Variants in APBB2 observed in about 807,000 individuals in gnomAD.
The protein encoded by APBB2 is Fe65-like 1.
APBB2 carries 38 observed loss-of-function variants against 82.5 expected under a neutral mutation model. That is an observed-to-expected ratio of 0.46 (90% CI 0.36 to 0.60). The LOEUF (loss-of-function observed/expected upper bound fraction) is 0.60. Among genes scored for constraint, APBB2 ranks in the 20% least tolerant of loss-of-function variants. The probability of loss-of-function intolerance (pLI) is 0.00; values close to 1 mark genes in which losing one functional copy is unlikely to be tolerated. For missense variants in APBB2, 772 were observed against 972.3 expected (o/e 0.79, Z 2.74); for synonymous variants, 341 against 368.2 (o/e 0.93, Z 0.85).
chr4:40,898,949 T>G (rs1774498123), intron 10 of APBB2, among the ~76,000 whole-genome samples: 1 of 152,120 alleles, frequency 6.6e-6, no homozygotes, highest in Non-Finnish European at 1.5e-5. Context: ...AATCTATATC[T>G]CTAACAAGCT....
Position 40,868,672 on chromosome 4 carries a change from A to C in APBB2, c.1529+21692T>G, listed in dbSNP as rs183291134. ...GACTCCTGATACAGTCAGAAGACTA[A>C]ATCAGTAATTCCAAACTCTGAATCA... On this transcript the variant is annotated intron_variant, in intron 12 of 17. Coordinates refer to ENST00000508593, the MANE Select transcript of APBB2 (RefSeq NM_004307.2). 7.9e-4 allele frequency among the ~76,000 whole-genome samples: 121 copies of C among 152,352 alleles called. 2 individuals carry two copies. The highest frequency in any genetic ancestry group is 3.2e-4 in the Non-Finnish European group (22 of 68,030).
At chr4:40,849,724 A>AT (rs1758703366) in intron 12 of APBB2, among the ~76,000 whole-genome samples, 2 of 122,754 alleles carry the variant, frequency 1.6e-5, no homozygotes, top group African/African-American at 6.2e-5. Flanking sequence ...TACTAAAGTT[A>AT]CTTTTTTTTT....
chr4:40,881,091 CCA>C (rs1194131551), intron 12 of APBB2: 1 of 985,268 alleles, frequency 1.0e-6, no homozygotes, highest in African/African-American at 1.7e-5. Flanking sequence ...GGCAGAGAAG[CCA>C]CTTTTAAAGA....
chr4:41,178,771 C>T (rs1770530582), intron 1 of APBB2, among the ~76,000 whole-genome samples: 1 of 152,194 alleles, frequency 6.6e-6, no homozygotes, highest in Admixed American at 6.5e-5. Context: ...TCACCCAAGA[C>T]CACATTCTTA....
chr4:41,201,381 C>A (rs187161651), intron 1 of APBB2, among the ~76,000 whole-genome samples: 1 of 152,270 alleles, frequency 6.6e-6, no homozygotes, highest in Admixed American at 6.5e-5. Flanking sequence ...GCATTTTAAA[C>A]CTACAAAAGG....
chr4:41,085,046 C>T (rs55922908), intron 3 of APBB2, among the ~76,000 whole-genome samples: 24,998 of 151,970 alleles, frequency 0.16, 2,625 homozygotes, highest in Middle Eastern at 0.23. Flanking sequence ...GTCAGGAGAT[C>T]GAGACCATTC....
chr4:41,034,614 G>A (rs933787128), intron 4 of APBB2, among the ~76,000 whole-genome samples: 4 of 152,150 alleles, frequency 2.6e-5, no homozygotes, highest in Non-Finnish European at 5.9e-5. Context: ...TGTGAGTCAC[G>A]ACACCTGGCC....
At chr4:41,141,330 GTCTGTGTGTGTGTGTGTC>G (rs1447184341) in intron 2 of APBB2, among the ~76,000 whole-genome samples, 7 of 100,754 alleles carry the variant, frequency 6.9e-5, no homozygotes, top group Non-Finnish European at 2.4e-5. Flanking sequence ...GTGTGTGTGT[GTCTGTGTGTGTGTGTGTC>G]TGTGTGTCTG....
chr4:40,986,474 G>A (rs1240939279), intron 6 of APBB2, among the ~76,000 whole-genome samples: 1 of 152,218 alleles, frequency 6.6e-6, no homozygotes, highest in African/African-American at 2.4e-5. Context: ...TTTTGTGTGG[G>A]AGAGTACACA....
intron 1 of APBB2, among the ~76,000 whole-genome samples, chr4:41,173,262 A>T (rs532051328): frequency 6.6e-6 from 1 of 152,352 alleles, no homozygotes; most frequent in East Asian, 1.9e-4. Flanking sequence ...ATTTAAAATC[A>T]TAAGTTAGTT....
At chr4:41,029,465 CAG>C (rs1323242344) in intron 5 of APBB2, among the ~76,000 whole-genome samples, 1 of 152,178 alleles carries the variant, frequency 6.6e-6, no homozygotes, top group Non-Finnish European at 1.5e-5. Flanking sequence ...ACTGCTGATG[CAG>C]AGTGTCAGAT....
intron 1 of APBB2, among the ~76,000 whole-genome samples, chr4:41,204,316 G>C (rs923253542): frequency 2.0e-5 from 3 of 152,212 alleles, no homozygotes; most frequent in Non-Finnish European, 4.4e-5. Context: ...GATCACCTTG[G>C]AGGCAGTGTA....
intron 1 of APBB2, among the ~76,000 whole-genome samples, chr4:41,211,554 C>A (rs1779329573): frequency 6.6e-6 from 1 of 152,048 alleles, no homozygotes; most frequent in Non-Finnish European, 1.5e-5. Flanking sequence ...GCGATCTTGG[C>A]TCACTGTAAC....
chr4:40,845,290 T>C (rs1239869541), intron 12 of APBB2, among the ~76,000 whole-genome samples: 1 of 152,006 alleles, frequency 6.6e-6, no homozygotes, highest in Non-Finnish European at 1.5e-5. Flanking sequence ...AAAACATCAG[T>C]CCAAAGCTGG....
chr4:40,831,220 A>G (rs374019926), intron 12 of APBB2, among the ~76,000 whole-genome samples: 2 of 152,242 alleles, frequency 1.3e-5, no homozygotes, highest in East Asian at 1.9e-4. Flanking sequence ...CAACACAGTG[A>G]AACTCTGTCT....
At chr4:41,124,288 G>A (rs929267838) in intron 2 of APBB2, among the ~76,000 whole-genome samples, 8 of 151,848 alleles carry the variant, frequency 5.3e-5, no homozygotes, top group African/African-American at 1.5e-4. Flanking sequence ...GCGTGATCTC[G>A]GCTCACTGCA....
chr4:41,185,002 T>C (rs933165667), intron 1 of APBB2, among the ~76,000 whole-genome samples: 4 of 152,200 alleles, frequency 2.6e-5, no homozygotes, highest in Non-Finnish European at 5.9e-5. Context: ...GAATCCAACC[T>C]GAGACACTTA....
intron 6 of APBB2, among the ~76,000 whole-genome samples, chr4:41,012,618 CT>C (rs1808707224): frequency 6.6e-6 from 1 of 152,004 alleles, no homozygotes; most frequent in Non-Finnish European, 1.5e-5. Flanking sequence ...TTTTCCTTAT[CT>C]TTAGTCCTTG....
At chr4:41,080,783 A>G (rs894668609) in intron 3 of APBB2, among the ~76,000 whole-genome samples, 1 of 150,032 alleles carries the variant, frequency 6.7e-6, no homozygotes, top group Non-Finnish European at 1.5e-5. Flanking sequence ...CCTCACCGCA[A>G]CCTCCACCTC....
Sources: allele counts gnomAD v4.1 joint callset (sites outside exome capture counted in the v4.1 genomes callset), GRCh38; gene constraint gnomAD v4.1.1; transcripts MANE v1.5; gene names NCBI Gene and HGNC (gene_info 2026-07-23, HGNC 2026-07-21).